Variants in FHIT observed in about 807,000 individuals in gnomAD.
FHIT encodes the protein fragile histidine triad diadenosine triphosphatase.
In FHIT, 19 loss-of-function variants were observed where a neutral mutation model predicts 17.9. The ratio of observed to expected loss-of-function variants is 1.06; its 90% CI spans 0.74 to 1.56. FHIT has a LOEUF of 1.56. Ranked by LOEUF, FHIT falls within the 40% of genes most tolerant of loss-of-function variation. The probability of loss-of-function intolerance (pLI) is 0.00; values close to 1 mark genes in which losing one functional copy is unlikely to be tolerated. For missense variants in FHIT, 248 were observed against 189.2 expected (o/e 1.31, Z -1.82); for synonymous variants, 81 against 69.7 (o/e 1.16, Z -0.81).
At chr3:60,922,620 A>C (rs1553768694) in intron 3 of FHIT, among the ~76,000 whole-genome samples, 2 of 152,126 alleles carry the variant, frequency 1.3e-5, no homozygotes, top group Non-Finnish European at 2.9e-5. Flanking sequence ...AATTTTTAAA[A>C]TTTACCTACA....
intron 1 of FHIT, among the ~76,000 whole-genome samples, chr3:61,247,354 C>T (rs369829786): frequency 1.3e-5 from 2 of 152,260 alleles, no homozygotes; most frequent in African/African-American, 4.8e-5. Flanking sequence ...CTGCCACATC[C>T]CCACGGTCAT....
chr3:60,080,761 A>G (rs1047364721), intron 5 of FHIT: 2 of 152,166 alleles, frequency 1.3e-5, no homozygotes, highest in Admixed American at 6.5e-5. Context: ...AAATAGCACC[A>G]CAGCTCAGGA....
chr3:60,023,837 G>A (rs372838166), intron 5 of FHIT, among the ~76,000 whole-genome samples: 1 of 152,116 alleles, frequency 6.6e-6, no homozygotes, highest in Non-Finnish European at 1.5e-5. Flanking sequence ...TAAATGTCAT[G>A]TAGGCTTATT....
intron 5 of FHIT, among the ~76,000 whole-genome samples, chr3:60,039,805 C>T (rs1384201596): frequency 1.3e-5 from 2 of 152,140 alleles, no homozygotes; most frequent in East Asian, 1.9e-4. Context: ...GAGTTGAAAA[C>T]ATTAATGCTG....
chr3:60,310,052 C>G (rs1046520301), intron 5 of FHIT, among the ~76,000 whole-genome samples: 3 of 152,090 alleles, frequency 2.0e-5, no homozygotes, highest in African/African-American at 4.8e-5. Context: ...GGAATCAGGT[C>G]ATGCAGGCAG....
In FHIT at chr3:60,279,849, G is replaced by A. The variant is rs557959878; in HGVS notation, c.103+257011C>T. 6.2e-4 allele frequency among the ~76,000 whole-genome samples: 95 copies of A among 152,032 alleles called. No homozygotes were observed. The South Asian group carries it at 0.019, about 30-fold the overall frequency. ...GATCAAGACCATCCTGACTAACACAGTGAAACCCCGTCTCTACTAAAAATA... is the reference window on the plus strand; with the variant it reads ...GATCAAGACCATCCTGACTAACACAATGAAACCCCGTCTCTACTAAAAATA... On this transcript the variant is annotated intron_variant, in intron 5 of 9. Transcript: ENST00000492590.
At chr3:60,442,930 G>C (rs1316919875) in intron 5 of FHIT, among the ~76,000 whole-genome samples, 1 of 152,176 alleles carries the variant, frequency 6.6e-6, no homozygotes, top group Non-Finnish European at 1.5e-5. Context: ...CCATTTGTTT[G>C]TATCCTCTTT....
intron 5 of FHIT, among the ~76,000 whole-genome samples, chr3:60,210,784 T>C (rs1703414429): frequency 6.6e-6 from 1 of 152,118 alleles, no homozygotes. Context: ...GGAATTCTTA[T>C]ATAGTTGTGG....
At chr3:60,841,033 T>C (rs1553744954) in intron 3 of FHIT, among the ~76,000 whole-genome samples, 1 of 152,254 alleles carries the variant, frequency 6.6e-6, no homozygotes, top group African/African-American at 2.4e-5. Context: ...CTTTAGACTC[T>C]ATTCCTCTTT....
chr3:60,509,841 A>G (rs1411739474), intron 5 of FHIT, among the ~76,000 whole-genome samples: 1 of 152,248 alleles, frequency 6.6e-6, no homozygotes, highest in African/African-American at 2.4e-5. Context: ...AGGAATAGGA[A>G]GAAAATATTT....
At chr3:60,627,725 T>C (rs2039329556) in intron 4 of FHIT, among the ~76,000 whole-genome samples, 1 of 152,146 alleles carries the variant, frequency 6.6e-6, no homozygotes, top group Non-Finnish European at 1.5e-5. Context: ...GGTGTCACCA[T>C]ATTGGCCAGG....
At chr3:61,233,903 T>TAAAGCC (rs367777189) in intron 1 of FHIT, among the ~76,000 whole-genome samples, 8 of 152,312 alleles carry the variant, frequency 5.3e-5, no homozygotes, top group African/African-American at 1.9e-4. Context: ...GCTGCTGAAC[T>TAAAGCC]AAAGCCAAAG....
chr3:60,106,387 A>G (rs1237137481), intron 5 of FHIT, among the ~76,000 whole-genome samples: 1 of 152,232 alleles, frequency 6.6e-6, no homozygotes, highest in African/African-American at 2.4e-5. Context: ...GGAAAAAAAG[A>G]AAAATTCATG....
chr3:59,783,333 G>A (rs1482112603), intron 8 of FHIT, among the ~76,000 whole-genome samples: 1 of 152,128 alleles, frequency 6.6e-6, no homozygotes, highest in Non-Finnish European at 1.5e-5. Flanking sequence ...GCTGGGGGTG[G>A]TGGCGCATGC....
chr3:60,663,377 C>A (rs1248881007), intron 4 of FHIT, among the ~76,000 whole-genome samples: 1 of 151,542 alleles, frequency 6.6e-6, no homozygotes, highest in Non-Finnish European at 1.5e-5. Context: ...TCTTTAATTT[C>A]TTTCATCAGC....
intron 3 of FHIT, among the ~76,000 whole-genome samples, chr3:61,041,251 C>T (rs574092961): frequency 6.6e-6 from 1 of 151,942 alleles, no homozygotes; most frequent in South Asian, 2.1e-4. Flanking sequence ...TGGTGGCACG[C>T]CTCTAGTCCC....
intron 2 of FHIT, among the ~76,000 whole-genome samples, chr3:61,194,011 G>C (rs558814124): frequency 8.4e-5 from 12 of 143,424 alleles, no homozygotes; most frequent in African/African-American, 3.0e-4. Flanking sequence ...AACAAAAGGG[G>C]TGTGTTCTAC....
At chr3:60,945,822 G>A (rs1553775645) in intron 3 of FHIT, among the ~76,000 whole-genome samples, 3 of 152,304 alleles carry the variant, frequency 2.0e-5, no homozygotes, top group African/African-American at 4.8e-5. Flanking sequence ...GATTGAGAGA[G>A]CTGGGGATGG....
At chr3:61,015,539 CCTTCAGGAATGTCACTATGG>C in intron 3 of FHIT, among the ~76,000 whole-genome samples, 1 of 152,242 alleles carries the variant, frequency 6.6e-6, no homozygotes, top group East Asian at 1.9e-4. Context: ...TGGAGGCATG[CCTTCAGGAATGTCACTATGG>C]CTTTCTGTTT....
Sources: allele counts gnomAD v4.1 joint callset (sites outside exome capture counted in the v4.1 genomes callset), GRCh38; gene constraint gnomAD v4.1.1; transcripts MANE v1.5; gene names NCBI Gene and HGNC (gene_info 2026-07-23, HGNC 2026-07-21).